Variants in DHRS7 observed in about 807,000 individuals in gnomAD.
The protein encoded by DHRS7 is dehydrogenase/reductase SDR family member 7.
DHRS7 carries 34 observed loss-of-function variants against 38.9 expected under a neutral mutation model. The observed-to-expected ratio is 0.87, with a 90% CI of 0.66 to 1.16. The LOEUF is 1.16. Ranked by LOEUF, DHRS7 falls within the 50% of genes most tolerant of loss-of-function variation. DHRS7 has a pLI of 0.00. For missense variants in DHRS7, 421 were observed against 407.0 expected, an observed-to-expected ratio of 1.03 and a Z score of -0.30; for synonymous variants, 158 against 153.1, an observed-to-expected ratio of 1.03 and a Z score of -0.24.
Position 60,153,976 on chromosome 14 carries a change from G to C in DHRS7, c.376C>G (p.Leu126Val). The C allele has an allele frequency of 6.2e-7, 1 of 1,613,926 alleles. No homozygotes were observed. The highest frequency in any genetic ancestry group is 1.3e-5 in the African/African-American group (1 of 75,048). The change falls in exon 3 of 7, where the codon CTC becomes GTC. Residue 126 changes from leucine to valine, a missense_variant. Physicochemically the swap from Leu to Val is conservative, Grantham distance 32. Coordinates refer to ENST00000557185, the MANE Select transcript of DHRS7 (RefSeq NM_016029.4). The surrounding 1 kb of genome is among the most constrained non-coding windows in gnomAD (Gnocchi z 4.4). ...GSHEAATKAV[L>V]QEFGRIDILV... is the part of the protein sequence containing the mutation. ...CTACTTACTCTACCAAACTCCTGGA[G>C]AACAGCTTTGGTAGCCGCTTCATGG... is the stretch of plus-strand genomic sequence containing the variant.
chr14:60,152,768 G>T, intron 4 of DHRS7, 171 bp downstream of exon 4: 1 of 640,326 alleles, frequency 1.6e-6, no homozygotes. Flanking sequence ...AGGCATGTGT[G>T]GATCAAGTCT....
In DHRS7 at chr14:60,152,509, A is replaced by G. The variant is rs73312154; in HGVS notation, c.633+430T>C. On this transcript the variant is annotated intron_variant, in intron 4 of 6. Coordinates refer to ENST00000557185, the MANE Select transcript of DHRS7 (RefSeq NM_016029.4). ...TAAACACCAACTACAAGGGGCAAGGAAAAGAAGTCACAGAAATGGGGAGGA... is the reference window on the plus strand; with the variant it reads ...TAAACACCAACTACAAGGGGCAAGGGAAAGAAGTCACAGAAATGGGGAGGA... 6.2e-3 allele frequency among the ~76,000 whole-genome samples: 948 copies of G among 152,316 alleles called. 20 individuals are homozygous for G. The highest frequency in any genetic ancestry group is 0.057 in the East Asian group (293 of 5,184).
chr14:60,166,894 C>CGTT (rs1355162163), upstream of DHRS7, among the ~76,000 whole-genome samples: 1 of 151,208 alleles, frequency 6.6e-6, no homozygotes, highest in Non-Finnish European at 1.5e-5. Context: ...AATAAGCCCA[C>CGTT]GTTGATTGAA....
At position 60,162,216 on chromosome 14, in the gene DHRS7, G is replaced by A. The variant is rs1896777084; in HGVS notation, c.133+2961C>T. On this transcript the variant is annotated intron_variant, in intron 1 of 6. Transcript: ENST00000557185. The surrounding 1 kb of genome is among the most constrained non-coding windows in gnomAD (Gnocchi z 4.5). Reference sequence around the variant, plus strand: ...TAGTGAGAGCCTGTTTCTACAAAAAGTTTAAAAATATCCAGGTGTGGTGGT... The same window carrying A: ...TAGTGAGAGCCTGTTTCTACAAAAAATTTAAAAATATCCAGGTGTGGTGGT... Among the ~76,000 whole-genome samples, 1 of 151,978 alleles carries A rather than the reference G, an allele frequency of 6.6e-6. No individual in the cohort carries two copies. The highest frequency in any genetic ancestry group is 2.1e-4 in the South Asian group (1 of 4,824).
upstream of DHRS7, chr14:60,168,827 T>C: frequency 1.4e-6 from 2 of 1,473,946 alleles, no homozygotes; most frequent in Non-Finnish European, 1.8e-6. Context: ...TCCTCATAAT[T>C]TCACTCTTCA....
rs1238275154 is a variant in DHRS7 at position 60,156,124 on chromosome 14, C to T, written c.162G>A (p.Trp54Ter). Residue 54 changes from tryptophan to a stop codon, truncating the protein, a stop_gained, in exon 2 of 7, where the codon TGG becomes TGA. Coordinates refer to ENST00000557185, the MANE Select transcript of DHRS7 (RefSeq NM_016029.4). LOFTEE classifies it high-confidence loss of function. ...CAATTCCACTCGAGGCTCCAGTCAC[C>T]CACACCACCATATCAGTCAGCTCCC... ...PEWELTDMVV[W>*]VTGASSGIGE... The T allele has an allele frequency of 1.9e-6, 3 of 1,598,440 alleles. No homozygotes were observed. The highest frequency in any genetic ancestry group is 2.7e-5 in the African/African-American group (2 of 73,842).
chr14:60,164,444 A>G (rs1343660282), intron 1 of DHRS7, among the ~76,000 whole-genome samples: 2 of 152,088 alleles, frequency 1.3e-5, no homozygotes, highest in Non-Finnish European at 2.9e-5. Context: ...CAGTTTCCCT[A>G]TCTGGAAAAT....
In DHRS7 at chr14:60,152,915, AGAGTT is replaced by A; in HGVS notation, c.633+19_633+23del. ...TATACACATTTAAGTCAGTTCTATC[AGAGTT>A]GAGTTTGAGCAGCCTTACCCGGAGA... On this transcript the variant is annotated intron_variant, in intron 4 of 6. Transcript: ENST00000557185. The A allele has an allele frequency of 6.2e-7, 1 of 1,613,526 alleles. No individual in the cohort carries two copies. Among genetic ancestry groups the A allele is most frequent in the Non-Finnish European group, 8.5e-7 (1 of 1,179,586 alleles).
At chr14:60,158,232 GAAAAAAAAA>G (rs34207942) in intron 1 of DHRS7, among the ~76,000 whole-genome samples, 8 of 83,200 alleles carry the variant, frequency 9.6e-5, no homozygotes, top group East Asian at 4.0e-4. Flanking sequence ...GACTCTGTCG[GAAAAAAAAA>G]AAAAAAAAAA....
chr14:60,164,752 C>G (rs577597644), intron 1 of DHRS7, among the ~76,000 whole-genome samples: 1 of 152,160 alleles, frequency 6.6e-6, no homozygotes, highest in Non-Finnish European at 1.5e-5. Context: ...GTAGAACGAC[C>G]GGGCTTCCGG....
At chr14:60,166,153 C>T (rs1440459473), upstream of DHRS7, 12 of 882,708 alleles carry the variant, frequency 1.4e-5, no homozygotes, top group African/African-American at 1.8e-5. Context: ...GATTAATTTC[C>T]GTTTGAAATG....
chr14:60,158,050 T>C (rs184899571), intron 1 of DHRS7, among the ~76,000 whole-genome samples: 1 of 151,944 alleles, frequency 6.6e-6, no homozygotes, highest in Admixed American at 6.6e-5. Context: ...CTGGCCAACA[T>C]GATGGAACCT....
upstream of DHRS7, among the ~76,000 whole-genome samples, chr14:60,167,843 G>A (rs912569497): frequency 1.3e-5 from 2 of 152,162 alleles, no homozygotes; most frequent in African/African-American, 4.8e-5. Flanking sequence ...GTGCCAGCTA[G>A]CCAGGGTGTC....
Position 60,149,784 on chromosome 14 carries a change from C to T in DHRS7, c.757-216G>A, listed in dbSNP as rs1990791. On this transcript the variant is annotated intron_variant, in intron 5 of 6. Coordinates refer to ENST00000557185, the MANE Select transcript of DHRS7 (RefSeq NM_016029.4). ...TGCTTACTAGATAATATAGTGCAGG[C>T]TAACTAAAAGATGAAGATTCTTTGC... Among the ~76,000 whole-genome samples, 313 of 151,868 alleles carry T rather than the reference C, an allele frequency of 2.1e-3. 8 individuals are homozygous for T. The East Asian group carries it at 0.049, about 24-fold the overall frequency.
At chr14:60,152,703 G>A (rs1013317816) in intron 4 of DHRS7, 15 of 548,604 alleles carry the variant, frequency 2.7e-5, no homozygotes, top group South Asian at 2.4e-4. Context: ...AGGGTCTGTT[G>A]TAGTACATGG....
chr14:60,161,736 T>G lies in DHRS7; in HGVS notation c.133+3441A>C, dbSNP rs967945404. ...AGCAGGATGAGATGTCAAAAATCAC[T>G]TCCCTTGTCCCCCAGAAGGTAGGGT... On this transcript the variant is annotated intron_variant, in intron 1 of 6. Coordinates refer to ENST00000557185, the MANE Select transcript of DHRS7 (RefSeq NM_016029.4). This position sits in a 1 kb window ranked among gnomAD's most constrained non-coding sequence, Gnocchi z 4.2. Among the ~76,000 whole-genome samples the G allele has an allele frequency of 6.6e-6, 1 of 152,138 alleles. No homozygotes were observed. Among genetic ancestry groups the G allele is most frequent in the Non-Finnish European group, 1.5e-5 (1 of 68,020 alleles).
At chr14:60,168,912 A>G, upstream of DHRS7, 1 of 844,308 alleles carries the variant, frequency 1.2e-6, no homozygotes, top group Non-Finnish European at 1.7e-6. Context: ...TAGTCTAACT[A>G]ACCCATTGAA....
Position 60,155,998 on chromosome 14 carries a change from A to G in DHRS7, c.286+2T>C, listed in dbSNP as rs750790378. ...CACCGCTGCTATTTCAGATCCGCTT[A>G]CCTAGGCATCTTCTTTTCACCCTTT... On this transcript the variant is annotated splice_donor_variant, in intron 2 of 6. Coordinates refer to ENST00000557185, the MANE Select transcript of DHRS7 (RefSeq NM_016029.4). LOFTEE classifies it high-confidence loss of function. The G allele has an allele frequency of 2.6e-6, 4 of 1,557,162 alleles. No individual in the cohort carries two copies. The South Asian group carries it at 4.8e-5, about 19-fold the overall frequency.
At chr14:60,157,324 T>G (rs537646126) in intron 1 of DHRS7, among the ~76,000 whole-genome samples, 1 of 152,256 alleles carries the variant, frequency 6.6e-6, no homozygotes, top group African/African-American at 2.4e-5. Context: ...GAGAAATGAG[T>G]TAAAACATGG....
Sources: gnomAD v4.1 joint callset for allele counts (sites outside exome capture counted in the v4.1 genomes callset) on GRCh38, gnomAD v4.1.1 for gene constraint, Gnocchi (gnomAD v3.1) non-coding constraint, MANE v1.5 for transcripts, NCBI Gene and HGNC (gene_info 2026-07-23, HGNC 2026-07-21) for gene names.